Variants in MRPS9 observed in about 807,000 individuals in gnomAD.
MRPS9 encodes mitochondrial ribosomal protein S9, also known as small ribosomal subunit protein uS9m.
Under a neutral mutation model 59.9 loss-of-function variants are expected in MRPS9, and 45 were observed. The observed-to-expected ratio is 0.75, with a 90% CI of 0.59 to 0.96. The LOEUF (loss-of-function observed/expected upper bound fraction) is 0.96. MRPS9 is among the 40% of genes least tolerant of loss of function. MRPS9 has a pLI of 0.00. For missense variants in MRPS9, 473 were observed against 481.1 expected, an observed-to-expected ratio of 0.98 and a Z score of 0.16; for synonymous variants, 171 against 166.8, an observed-to-expected ratio of 1.03 and a Z score of -0.19.
intron 10 of MRPS9, 92 bp downstream of exon 10, chr2:105,097,416 ATATATAGT>A: frequency 3.5e-6 from 4 of 1,155,606 alleles, no homozygotes; most frequent in Non-Finnish European, 3.5e-6. Flanking sequence ...TCGTAAGAAA[ATATATAGT>A]TACATATGTA....
intron 5 of MRPS9, among the ~76,000 whole-genome samples, chr2:105,087,642 C>T (rs985480857): frequency 1.3e-5 from 2 of 152,122 alleles, no homozygotes; most frequent in Non-Finnish European, 2.9e-5. Flanking sequence ...GCAAAAAACA[C>T]TTACATGAAT....
At chr2:105,062,853 G>T (rs1679931804) in intron 2 of MRPS9, among the ~76,000 whole-genome samples, 1 of 152,180 alleles carries the variant, frequency 6.6e-6, no homozygotes, top group Non-Finnish European at 1.5e-5. Flanking sequence ...TCCATTATCA[G>T]AGGAAGTTCT....
intron 7 of MRPS9, among the ~76,000 whole-genome samples, chr2:105,091,888 C>T (rs968761645): frequency 1.3e-5 from 2 of 152,122 alleles, no homozygotes; most frequent in South Asian, 2.1e-4. Context: ...CTTGATTGTT[C>T]GGTTTTAAAG....
chr2:105,051,692 T>TA (rs1271580435), intron 2 of MRPS9, among the ~76,000 whole-genome samples: 1 of 152,170 alleles, frequency 6.6e-6, no homozygotes, highest in African/African-American at 2.4e-5. Flanking sequence ...CCTCTATAGA[T>TA]ACAGATCCTT....
chr2:105,039,316 TG>T (rs1679458386), intron 1 of MRPS9, among the ~76,000 whole-genome samples: 1 of 131,184 alleles, frequency 7.6e-6, no homozygotes, highest in Non-Finnish European at 1.7e-5. Flanking sequence ...TGTGGACATT[TG>T]TTTTTTTTTT....
chr2:105,051,774 TA>T (rs1308794351), intron 2 of MRPS9, among the ~76,000 whole-genome samples: 1 of 147,342 alleles, frequency 6.8e-6, no homozygotes, highest in East Asian at 1.9e-4. Context: ...AATTTATTTC[TA>T]AGTATTAATG....
At chr2:105,090,797 C>T (rs867739644) in intron 7 of MRPS9, among the ~76,000 whole-genome samples, 1 of 152,150 alleles carries the variant, frequency 6.6e-6, no homozygotes, top group Admixed American at 6.5e-5. Context: ...TCTTTGATGG[C>T]GGTGGCTAAC....
Position 105,038,151 on chromosome 2 carries a change from G to A in MRPS9, c.59G>A (p.Gly20Asp), listed in dbSNP as rs201725510. The A allele has an allele frequency of 1.4e-5, 22 of 1,613,870 alleles. No individual in the cohort carries two copies. The highest frequency in any genetic ancestry group is 1.7e-5 in the Admixed American group (1 of 59,992). The change falls in exon 1 of 11, where the codon GGT becomes GAT. Residue 20 changes from glycine to aspartate, a missense_variant. Physicochemically the swap from Gly to Asp is moderately conservative, Grantham distance 94 (BLOSUM62 -1). Coordinates refer to ENST00000258455, the MANE Select transcript of MRPS9 (RefSeq NM_182640.3). ...GAVSYRLLLW[G>D]RGSLARKQGL... Reference sequence around the variant, plus strand: ...GTTTCGTACCGGCTTCTTCTCTGGGGTAGGGGTAGCCTCGCCCGGAAGCAA... The same window carrying A: ...GTTTCGTACCGGCTTCTTCTCTGGGATAGGGGTAGCCTCGCCCGGAAGCAA...
chr2:105,047,846 TA>T (rs1358614009), intron 1 of MRPS9, among the ~76,000 whole-genome samples: 2 of 152,048 alleles, frequency 1.3e-5, no homozygotes, highest in African/African-American at 4.8e-5. Context: ...AAGTGTGATA[TA>T]ATTACTGATG....
At chr2:105,038,249 A>T in intron 1 of MRPS9, 22 bp downstream of exon 1, 1 of 1,604,072 alleles carries the variant, frequency 6.2e-7, no homozygotes, top group South Asian at 1.1e-5. Context: ...GAAGACTGGA[A>T]GCGGCTTACC....
At chr2:105,061,837 G>A (rs563108152) in intron 2 of MRPS9, among the ~76,000 whole-genome samples, 2 of 152,286 alleles carry the variant, frequency 1.3e-5, no homozygotes, top group East Asian at 3.9e-4. Flanking sequence ...ATGGAGGTCT[G>A]TGCTTGTCAT....
At chr2:105,084,909 C>G (rs965543345) in intron 5 of MRPS9, among the ~76,000 whole-genome samples, 2 of 152,036 alleles carry the variant, frequency 1.3e-5, no homozygotes, top group African/African-American at 4.8e-5. Context: ...AAGGATTCAA[C>G]ATATTATTGT....
At chr2:105,088,958 T>C (rs1225914479) in intron 5 of MRPS9, 26 bp from the exon 6 acceptor site, 2 of 1,478,752 alleles carry the variant, frequency 1.4e-6, no homozygotes, top group South Asian at 1.2e-5. Context: ...ATTTTTAGCA[T>C]GTACTGTATA....
intron 5 of MRPS9, among the ~76,000 whole-genome samples, chr2:105,082,557 C>A (rs912968701): frequency 2.0e-5 from 3 of 152,212 alleles, no homozygotes; most frequent in African/African-American, 7.2e-5. Flanking sequence ...CTGTGTATGA[C>A]ACTTTAGTGA....
chr2:105,053,922 T>C (rs1679755117), intron 2 of MRPS9, among the ~76,000 whole-genome samples: 1 of 152,218 alleles, frequency 6.6e-6, no homozygotes, highest in Admixed American at 6.5e-5. Context: ...ATTGCTTCTT[T>C]AAAATATATA....
intron 9 of MRPS9, 77 bp downstream of exon 9, chr2:105,093,715 G>T (rs1558763972): frequency 1.6e-6 from 1 of 639,534 alleles, no homozygotes; most frequent in Non-Finnish European, 2.7e-6. Flanking sequence ...AAGAAGGCTT[G>T]TGATCTTCTA....
At chr2:105,041,920 A>G (rs901419049) in intron 1 of MRPS9, among the ~76,000 whole-genome samples, 2 of 152,160 alleles carry the variant, frequency 1.3e-5, no homozygotes, top group Non-Finnish European at 2.9e-5. Context: ...TTGGCAATTT[A>G]TATGTTTCTT....
rs866379811 is a variant in MRPS9, at chr2:105,055,565, T to C, written c.315+6215T>C. 7.3e-3 allele frequency among the ~76,000 whole-genome samples: 1,036 copies of C among 141,404 alleles called. 14 individuals carry two copies. The highest frequency in any genetic ancestry group is 0.018 in the African/African-American group (664 of 37,264). 92.8% of individuals were successfully genotyped at this position (141,404 alleles called of 152,430 possible). On this transcript the variant is annotated intron_variant, in intron 2 of 10. Coordinates refer to ENST00000258455, the MANE Select transcript of MRPS9 (RefSeq NM_182640.3). ...AAATATAGCGGGCCCCTTTTGGTAT[T>C]GCATTTTATTAAATATAGCGGACCC... is the stretch of plus-strand genomic sequence containing the variant.
intron 5 of MRPS9, among the ~76,000 whole-genome samples, chr2:105,081,910 A>G (rs1356565338): frequency 6.6e-6 from 1 of 152,224 alleles, no homozygotes; most frequent in Non-Finnish European, 1.5e-5. Flanking sequence ...ACACCAGCCT[A>G]GTTTCCCAGA....
Sources: allele counts gnomAD v4.1 joint callset (sites outside exome capture counted in the v4.1 genomes callset), GRCh38; gene constraint gnomAD v4.1.1; transcripts MANE v1.5; gene names NCBI Gene and HGNC (gene_info 2026-07-23, HGNC 2026-07-21).